The following TAFA4 variants were observed in gnomAD, a reference collection of about 807,000 sequenced individuals.
The protein encoded by TAFA4 is chemokine-like protein TAFA-4.
A neutral mutation model predicts 21.1 loss-of-function variants in TAFA4; 20 were observed. The ratio of observed to expected loss-of-function variants is 0.95; its 90% CI spans 0.67 to 1.38. The LOEUF (loss-of-function observed/expected upper bound fraction) is 1.38, where lower values mean the gene tolerates loss of function less well. TAFA4 is among the 40% of genes most tolerant of loss of function. TAFA4 has a pLI of 0.00. For missense variants in TAFA4, 211 were observed against 180.9 expected (o/e 1.17, Z -0.95); for synonymous variants, 71 against 67.4 (o/e 1.05, Z -0.26).
chr3:68,735,359 T>C (rs1702220673), intron 5 of TAFA4, among the ~76,000 whole-genome samples: 1 of 152,126 alleles, frequency 6.6e-6, no homozygotes, highest in South Asian at 2.1e-4. Context: ...GCAGGGAGCT[T>C]ACCTTTGATG....
At chr3:68,744,174 T>C (rs1196727236) in intron 4 of TAFA4, among the ~76,000 whole-genome samples, 2 of 152,200 alleles carry the variant, frequency 1.3e-5, no homozygotes, top group Non-Finnish European at 2.9e-5. Context: ...CAGAGTTTCA[T>C]GAAAGATTCA....
intron 3 of TAFA4, among the ~76,000 whole-genome samples, chr3:68,785,292 C>T (rs527618854): frequency 6.6e-5 from 10 of 152,372 alleles, no homozygotes; most frequent in African/African-American, 2.2e-4. Flanking sequence ...AGCTGCCTGC[C>T]AGTCCCGCAC....
chr3:68,781,689 A>G (rs1278225371), intron 3 of TAFA4, among the ~76,000 whole-genome samples: 4 of 152,144 alleles, frequency 2.6e-5, no homozygotes, highest in Non-Finnish European at 5.9e-5. Context: ...ACATTTAAAG[A>G]AGAATTAATA....
chr3:68,858,316 T>A (rs1705117225), intron 3 of TAFA4, among the ~76,000 whole-genome samples: 1 of 152,090 alleles, frequency 6.6e-6, no homozygotes, highest in South Asian at 2.1e-4. Flanking sequence ...CAGAATAGTA[T>A]CCATCAGCTT....
chr3:68,842,741 C>T (rs1559540264), intron 3 of TAFA4, among the ~76,000 whole-genome samples: 2 of 152,110 alleles, frequency 1.3e-5, no homozygotes, highest in Non-Finnish European at 2.9e-5. Flanking sequence ...GGAAGGGGTC[C>T]AGTTTCAGTT....
intron 4 of TAFA4, among the ~76,000 whole-genome samples, chr3:68,750,339 A>T (rs949221935): frequency 2.0e-5 from 3 of 152,238 alleles, no homozygotes; most frequent in Non-Finnish European, 4.4e-5. Context: ...ATTATGGCCT[A>T]TCCATACATG....
chr3:68,898,785 T>A (rs551226744), intron 1 of TAFA4, among the ~76,000 whole-genome samples: 3 of 152,328 alleles, frequency 2.0e-5, no homozygotes, highest in African/African-American at 7.2e-5. Flanking sequence ...ACATCTCTGT[T>A]TAACAGGAGA....
chr3:68,804,060 T>C (rs369255979), intron 3 of TAFA4, among the ~76,000 whole-genome samples: 126 of 152,114 alleles, frequency 8.3e-4, no homozygotes, highest in African/African-American at 2.9e-3. Context: ...AGTGCTAGGA[T>C]TATAGGTGTG....
chr3:68,774,779 G>T (rs1703020150), intron 3 of TAFA4, among the ~76,000 whole-genome samples: 1 of 152,136 alleles, frequency 6.6e-6, no homozygotes, highest in African/African-American at 2.4e-5. Flanking sequence ...TTAGTAGTAA[G>T]AAAGCCCTTT....
chr3:68,782,156 GA>G (rs1414305112), intron 3 of TAFA4, among the ~76,000 whole-genome samples: 2 of 151,910 alleles, frequency 1.3e-5, no homozygotes, highest in Non-Finnish European at 2.9e-5. Context: ...CTCAACAAAA[GA>G]AAAAAGGACA....
At chr3:68,857,960 T>C (rs1395879518) in intron 3 of TAFA4, among the ~76,000 whole-genome samples, 1 of 152,148 alleles carries the variant, frequency 6.6e-6, no homozygotes, top group Non-Finnish European at 1.5e-5. Flanking sequence ...TCTCATCCCA[T>C]CATTCAGTAA....
intron 3 of TAFA4, among the ~76,000 whole-genome samples, chr3:68,860,036 C>A (rs1158042785): frequency 6.6e-6 from 1 of 152,056 alleles, no homozygotes; most frequent in Non-Finnish European, 1.5e-5. Flanking sequence ...GACCTAAGGT[C>A]CCAACTTAGT....
At chr3:68,813,580 T>G (rs1311416078) in intron 3 of TAFA4, among the ~76,000 whole-genome samples, 1 of 152,128 alleles carries the variant, frequency 6.6e-6, no homozygotes, top group African/African-American at 2.4e-5. Context: ...AATGGATAAA[T>G]TCCTCAACAC....
intron 3 of TAFA4, among the ~76,000 whole-genome samples, chr3:68,782,577 T>TA (rs1410888754): frequency 6.6e-6 from 1 of 152,080 alleles, no homozygotes; most frequent in Non-Finnish European, 1.5e-5. Flanking sequence ...TGAGTACTGA[T>TA]ACATGCTACA....
At chr3:68,851,051 A>G (rs1197272644) in intron 3 of TAFA4, among the ~76,000 whole-genome samples, 2 of 152,194 alleles carry the variant, frequency 1.3e-5, no homozygotes, top group African/African-American at 4.8e-5. Flanking sequence ...CCATATGTTC[A>G]CTGCAGCACT....
intron 3 of TAFA4, among the ~76,000 whole-genome samples, chr3:68,782,827 A>AT (rs1486895896): frequency 6.6e-6 from 1 of 152,208 alleles, no homozygotes; most frequent in African/African-American, 2.4e-5. Context: ...GACAGTCATG[A>AT]TGGTTGTACA....
chr3:68,748,565 A>AC (rs1003692706), intron 4 of TAFA4, among the ~76,000 whole-genome samples: 2 of 151,966 alleles, frequency 1.3e-5, no homozygotes, highest in Middle Eastern at 3.4e-3. Flanking sequence ...ACATGGGGAG[A>AC]CCCCCGTCTC....
chr3:68,749,930 ATATC>A (rs1702530835), intron 4 of TAFA4, among the ~76,000 whole-genome samples: 2 of 152,284 alleles, frequency 1.3e-5, no homozygotes, highest in South Asian at 4.1e-4. Flanking sequence ...TCACATATAG[ATATC>A]TATCTACACA....
chr3:68,895,620 TAGAC>T lies in TAFA4; in HGVS notation c.-122-10314_-122-10311del, dbSNP rs34991837. Among the ~76,000 whole-genome samples the T allele has an allele frequency of 6.1e-3, 926 of 152,230 alleles. 5 individuals are homozygous for T. The highest frequency in any genetic ancestry group is 8.4e-3 in the Non-Finnish European group (572 of 68,012). ...GGGAATTAGCTATGCACAGGGAACT[TAGAC>T]AGAAGAGCTAGCACAGCATCCATGC... is the stretch of plus-strand genomic sequence containing the variant. On this transcript the variant is annotated intron_variant, in intron 1 of 5. Transcript: ENST00000295569.
Sources: allele counts gnomAD v4.1 joint callset (sites outside exome capture counted in the v4.1 genomes callset), GRCh38; gene constraint gnomAD v4.1.1; transcripts MANE v1.5; gene names NCBI Gene and HGNC (gene_info 2026-07-23, HGNC 2026-07-21).